WWC1: variants seen among roughly 807,000 people sequenced by gnomAD.
WWC1 encodes protein KIBRA.
WWC1 carries 55 observed loss-of-function variants against 138.4 expected under a neutral mutation model. That is an observed-to-expected ratio of 0.40 (90% CI 0.32 to 0.50). WWC1 has a LOEUF of 0.50. WWC1 is among the 20% of genes least tolerant of loss of function. WWC1 has a pLI of 0.72. For synonymous variants in WWC1, 524 were observed against 564.9 expected, an observed-to-expected ratio of 0.93 and a Z score of 1.03; for missense variants, 1,226 against 1,420.4, an observed-to-expected ratio of 0.86 and a Z score of 2.20.
chr5:168,436,123 G>A (rs1345219051), intron 15 of WWC1, among the ~76,000 whole-genome samples: 3 of 152,122 alleles, frequency 2.0e-5, no homozygotes, highest in Non-Finnish European at 4.4e-5. Context: ...GATTACAGAC[G>A]TGAGCCACCG....
rs1356509222 is a variant in WWC1, at chr5:168,403,030, C to CTTTCTTTCTTTG, written c.591-3157_591-3156insGTTTCTTTCTTT. ...TTTTTCTTTCTTTCTTTCTTTCTTT[C>CTTTCTTTCTTTG]TTTCTTTCTTTCTTTCTTTCTTTCT... On this transcript the variant is annotated intron_variant, in intron 5 of 22. Coordinates refer to ENST00000265293, the MANE Select transcript of WWC1 (RefSeq NM_015238.3). Among the ~76,000 whole-genome samples, 6 of 121,938 alleles carry CTTTCTTTCTTTG rather than the reference C, an allele frequency of 4.9e-5. No individual in the cohort carries two copies. The East Asian group carries it at 1.1e-3, about 22-fold the overall frequency. 80.0% of individuals were successfully genotyped at this position (121,938 alleles called of 152,430 possible).
chr5:168,418,469 A>G (rs753844241), intron 9 of WWC1, among the ~76,000 whole-genome samples: 3 of 152,088 alleles, frequency 2.0e-5, no homozygotes, highest in Non-Finnish European at 4.4e-5. Flanking sequence ...CACCTTCTGG[A>G]TCCTCTGCCT....
intron 15 of WWC1, among the ~76,000 whole-genome samples, chr5:168,438,356 G>A (rs897093851): frequency 3.3e-5 from 5 of 152,130 alleles, no homozygotes; most frequent in African/African-American, 1.2e-4. Context: ...GTGTTCTCAT[G>A]AGATCTGATG....
At chr5:168,415,813 GGCGTGTGT>G (rs1780586700) in intron 9 of WWC1, 3 of 10,746 alleles carry the variant, frequency 2.8e-4, no homozygotes, top group Non-Finnish European at 6.4e-4. Flanking sequence ...GGGGGGGGGG[GGCGTGTGT>G]GTGTGTGTGT....
intron 1 of WWC1, among the ~76,000 whole-genome samples, chr5:168,339,965 CTCTG>C (rs1274270183): frequency 4.7e-5 from 6 of 126,816 alleles, no homozygotes; most frequent in Admixed American, 1.6e-4. Context: ...CCCTCTCTCT[CTCTG>C]TCTCTCTTTC....
chr5:168,389,062 A>G (rs1343926472), intron 3 of WWC1, among the ~76,000 whole-genome samples: 2 of 152,208 alleles, frequency 1.3e-5, no homozygotes, highest in East Asian at 3.8e-4. Flanking sequence ...GAGATTCATT[A>G]CATTATTCTT....
rs1755766480 is a variant in WWC1 at position 168,451,064 on chromosome 5, GCGATCTCGGCTCAC to G, written c.2526-2903_2526-2890del. ...GAGTTTTGCTCTTGTTGCCCAGGCT[GCGATCTCGGCTCAC>G]TGCAATCTCGGCTCACTGCAATCTC... On this transcript the variant is annotated intron_variant, in intron 17 of 22. Coordinates refer to ENST00000265293, the MANE Select transcript of WWC1 (RefSeq NM_015238.3). Among the ~76,000 whole-genome samples, 6 of 151,616 alleles carry G rather than the reference GCGATCTCGGCTCAC, an allele frequency of 4.0e-5. No homozygotes were observed. The South Asian group carries it at 1.3e-3, about 32-fold the overall frequency.
intron 17 of WWC1, among the ~76,000 whole-genome samples, chr5:168,446,012 G>GAT: frequency 6.6e-6 from 1 of 152,080 alleles, no homozygotes; most frequent in Non-Finnish European, 1.5e-5. Flanking sequence ...TAGCCACTTA[G>GAT]CCTGCCTAAC....
chr5:168,307,857 A>G (rs966420555), intron 1 of WWC1, among the ~76,000 whole-genome samples: 3 of 151,980 alleles, frequency 2.0e-5, no homozygotes, highest in African/African-American at 4.8e-5. Flanking sequence ...TGATCTGCCC[A>G]CCTTGGCCTC....
chr5:168,454,313 A>G (rs796743686), intron 18 of WWC1, among the ~76,000 whole-genome samples: 6 of 152,162 alleles, frequency 3.9e-5, no homozygotes, highest in African/African-American at 1.4e-4. Context: ...TGCATTTTCC[A>G]TGACTTCTCT....
At chr5:168,390,549 C>G (rs920618656) in intron 3 of WWC1, among the ~76,000 whole-genome samples, 7 of 152,188 alleles carry the variant, frequency 4.6e-5, no homozygotes, top group Non-Finnish European at 1.0e-4. Context: ...TTCCCCCAGC[C>G]CAAGCATCCC....
rs186195362 is a variant in WWC1, at chr5:168,456,813, C to T, written c.2823+1293C>T. Among the ~76,000 whole-genome samples, 674 of 151,116 alleles carry T rather than the reference C, an allele frequency of 4.5e-3. 3 individuals carry two copies. The highest frequency in any genetic ancestry group is 0.016 in the African/African-American group (650 of 41,032). On this transcript the variant is annotated intron_variant, in intron 19 of 22. Transcript: ENST00000265293. ...CACCAAAAAAAATTAGTGTTTCATT[C>T]GTTCTTTTTCATCAGGATAGAATGT...
chr5:168,391,682 A>G (rs1261946720), intron 3 of WWC1, among the ~76,000 whole-genome samples: 1 of 145,270 alleles, frequency 6.9e-6, no homozygotes, highest in Non-Finnish European at 1.5e-5. Flanking sequence ...CAAAAAAACT[A>G]AAAAATGCCA....
intron 17 of WWC1, among the ~76,000 whole-genome samples, chr5:168,449,890 G>A (rs1755641404): frequency 6.6e-6 from 1 of 152,250 alleles, no homozygotes; most frequent in African/African-American, 2.4e-5. Flanking sequence ...TCTTTTATTT[G>A]TAGATAGAGA....
At position 168,471,396 on chromosome 5, in the gene WWC1, C is replaced by T. The variant is rs191852364; in HGVS notation, c.*2379C>T. The T allele has an allele frequency of 2.0e-5, 3 of 152,418 alleles. No homozygotes were observed. The highest frequency in any genetic ancestry group is 1.9e-4 in the East Asian group (1 of 5,186). 9.4% of individuals were successfully genotyped at this position (152,418 alleles called of 1,614,324 possible). On this transcript the variant is annotated 3_prime_UTR_variant, in exon 23 of 23. Transcript: ENST00000265293. Reference sequence around the variant, plus strand: ...CACCAGACACATTCAGGGTTTACTTCGTAATGTCTTCATATGAGTATCAAT... The same window carrying T: ...CACCAGACACATTCAGGGTTTACTTTGTAATGTCTTCATATGAGTATCAAT...
chr5:168,431,159 G>A (rs779266669), intron 14 of WWC1, 93 bp from the exon 15 acceptor site: 2 of 1,160,462 alleles, frequency 1.7e-6, no homozygotes, highest in Non-Finnish European at 2.5e-6. Flanking sequence ...ATCCACTGTT[G>A]TTTGCTTAGG....
chr5:168,319,342 C>G lies in WWC1; in HGVS notation c.119+27071C>G, dbSNP rs1048206482. ...GGCCGAGGCAGGAGAATCACTTGAA[C>G]CCAGGAGGCAGAGGTTGCAGTAAGC... On this transcript the variant is annotated intron_variant, in intron 1 of 22. Transcript: ENST00000265293. 5.3e-5 allele frequency among the ~76,000 whole-genome samples: 8 copies of G among 152,230 alleles called. No homozygotes were observed. The East Asian group carries it at 1.4e-3, about 26-fold the overall frequency.
At chr5:168,402,813 A>C (rs1006050845) in intron 5 of WWC1, among the ~76,000 whole-genome samples, 2 of 152,052 alleles carry the variant, frequency 1.3e-5, no homozygotes, top group African/African-American at 4.8e-5. Context: ...CCTCATTCCC[A>C]GAAAATGTAA....
intron 22 of WWC1, 143 bp downstream of exon 22, chr5:168,468,107 C>A: frequency 7.3e-7 from 1 of 1,361,364 alleles, no homozygotes; most frequent in Non-Finnish European, 1.0e-6. Flanking sequence ...TCCGCCAAGC[C>A]ATCCCTGGCG....
Sources: gnomAD v4.1 joint callset for allele counts (sites outside exome capture counted in the v4.1 genomes callset) on GRCh38, gnomAD v4.1.1 for gene constraint, MANE v1.5 for transcripts, NCBI Gene and HGNC (gene_info 2026-07-23, HGNC 2026-07-21) for gene names.